PCCA: variants seen among roughly 807,000 people sequenced by gnomAD.
PCCA encodes the protein propionyl-CoA carboxylase subunit alpha, also known as propionyl-CoA carboxylase alpha chain, mitochondrial.
A neutral mutation model predicts 101.3 loss-of-function variants in PCCA; 74 were observed. The observed-to-expected ratio is 0.73, with a 90% CI of 0.61 to 0.89. The LOEUF (loss-of-function observed/expected upper bound fraction) is 0.89, where lower values mean the gene tolerates loss of function less well. Among genes scored for constraint, PCCA ranks in the 40% least tolerant of loss-of-function variants. PCCA has a pLI of 0.00. For synonymous variants in PCCA, 294 were observed against 313.6 expected (o/e 0.94, Z 0.66); for missense variants, 891 against 907.0 (o/e 0.98, Z 0.23).
intron 18 of PCCA, among the ~76,000 whole-genome samples, chr13:100,351,451 A>T (rs1285166960): frequency 6.6e-6 from 1 of 152,112 alleles, no homozygotes; most frequent in Non-Finnish European, 1.5e-5. Flanking sequence ...GTTCGTATAT[A>T]TGAAGATTTG....
chr13:100,358,275 A>C (rs1291471022), intron 18 of PCCA, among the ~76,000 whole-genome samples: 3 of 152,208 alleles, frequency 2.0e-5, no homozygotes, highest in Admixed American at 6.5e-5. Context: ...TTTCAGAGGG[A>C]GATAACATGA....
At chr13:100,293,513 C>G (rs2065291891) in intron 12 of PCCA, among the ~76,000 whole-genome samples, 1 of 152,006 alleles carries the variant, frequency 6.6e-6, no homozygotes, top group African/African-American at 2.4e-5. Context: ...TCTAGACCTG[C>G]CAGATGAAAA....
At chr13:100,139,436 G>C (rs1217464661) in intron 4 of PCCA, among the ~76,000 whole-genome samples, 1 of 150,288 alleles carries the variant, frequency 6.7e-6, no homozygotes, top group Non-Finnish European at 1.5e-5. Context: ...TTTCTCTCTT[G>C]TTTCAGATTG....
intron 19 of PCCA, among the ~76,000 whole-genome samples, chr13:100,376,678 T>C (rs977983185): frequency 5.3e-5 from 8 of 152,180 alleles, no homozygotes; most frequent in South Asian, 2.1e-4. Context: ...CCCTGCCAGG[T>C]TGACTTCAGA....
At chr13:100,359,978 G>A (rs1238619868) in intron 18 of PCCA, among the ~76,000 whole-genome samples, 3 of 152,132 alleles carry the variant, frequency 2.0e-5, no homozygotes, top group East Asian at 3.9e-4. Context: ...GAAATGCAAA[G>A]GGACTTGTAT....
At chr13:100,236,007 C>A (rs2060781267) in intron 8 of PCCA, 129 bp downstream of exon 8, 2 of 686,596 alleles carry the variant, frequency 2.9e-6, no homozygotes, top group Admixed American at 4.2e-5. Flanking sequence ...TTACTTGTTG[C>A]TCTGGAAGAA....
chr13:100,378,000 G>C (rs1286071784), intron 19 of PCCA, among the ~76,000 whole-genome samples: 1 of 151,992 alleles, frequency 6.6e-6, no homozygotes, highest in Non-Finnish European at 1.5e-5. Flanking sequence ...CCTCATTTGT[G>C]TGTTTGCCTT....
Position 100,380,868 on chromosome 13 carries a change from C to T in PCCA, c.1746+12294C>T, listed in dbSNP as rs374716085. Among the ~76,000 whole-genome samples the T allele has an allele frequency of 2.0e-5, 3 of 152,242 alleles. No individual in the cohort carries two copies. The East Asian group carries it at 5.8e-4, about 29-fold the overall frequency. On this transcript the variant is annotated intron_variant, in intron 19 of 23. Transcript: ENST00000376285. Reference sequence around the variant, plus strand: ...CAGTAAAGCACTTGTGTTTAAAATACATAAAGAACACTTACAACTTAACAA... The same window carrying T: ...CAGTAAAGCACTTGTGTTTAAAATATATAAAGAACACTTACAACTTAACAA...
chr13:100,192,746 T>C (rs1052434709), intron 6 of PCCA, among the ~76,000 whole-genome samples: 1 of 152,188 alleles, frequency 6.6e-6, no homozygotes, highest in Admixed American at 6.5e-5. Flanking sequence ...TTTTCCTAAA[T>C]ATTTAAATGT....
At chr13:100,182,957 A>T (rs377507007) in intron 6 of PCCA, among the ~76,000 whole-genome samples, 32 of 152,090 alleles carry the variant, frequency 2.1e-4, no homozygotes, top group African/African-American at 7.7e-4. Context: ...AATCAGACTA[A>T]CTCTGCCACC....
At chr13:100,181,062 G>A (rs1351918971) in intron 6 of PCCA, among the ~76,000 whole-genome samples, 2 of 152,180 alleles carry the variant, frequency 1.3e-5, no homozygotes, top group Admixed American at 6.5e-5. Context: ...CCTTGTGAAT[G>A]AGAGAGCTTA....
chr13:100,296,281 C>G (rs2065515192), intron 12 of PCCA, among the ~76,000 whole-genome samples: 1 of 151,878 alleles, frequency 6.6e-6, no homozygotes. Context: ...ACTCCCATTT[C>G]CCAGACTGGA....
chr13:100,221,746 A>ATTT (rs3034654), intron 7 of PCCA, among the ~76,000 whole-genome samples: 4,540 of 121,476 alleles, frequency 0.037, 246 homozygotes, highest in African/African-American at 0.096. Flanking sequence ...TCCCTGGGAA[A>ATTT]TTTTTTTTTT....
chr13:100,314,732 T>G (rs1366841106), intron 16 of PCCA, among the ~76,000 whole-genome samples: 1 of 152,224 alleles, frequency 6.6e-6, no homozygotes, highest in Non-Finnish European at 1.5e-5. Flanking sequence ...GCTTCTTCTC[T>G]TCAAACATGT....
chr13:100,421,503 T>C (rs1162829363), intron 19 of PCCA, among the ~76,000 whole-genome samples: 2 of 152,180 alleles, frequency 1.3e-5, no homozygotes, highest in Admixed American at 1.3e-4. Flanking sequence ...GTTTTTACAT[T>C]CTACAGAATA....
intron 7 of PCCA, among the ~76,000 whole-genome samples, chr13:100,212,442 A>G (rs2059273128): frequency 6.6e-6 from 1 of 152,162 alleles, no homozygotes; most frequent in Non-Finnish European, 1.5e-5. Flanking sequence ...CCCTGCTCTA[A>G]AATTCTTATC....
intron 21 of PCCA, among the ~76,000 whole-genome samples, chr13:100,487,205 C>T (rs2084450793): frequency 6.6e-6 from 1 of 152,136 alleles, no homozygotes; most frequent in Non-Finnish European, 1.5e-5. Flanking sequence ...TCATTGTTAC[C>T]TGTATAATAG....
In PCCA at chr13:100,425,865, A is replaced by G. The variant is rs566877960; in HGVS notation, c.1845+134A>G. 562 of 680,642 alleles carry G rather than the reference A, an allele frequency of 8.3e-4. 4 individuals carry two copies. Among genetic ancestry groups the G allele is most frequent in the Middle Eastern group, 2.7e-3 (8 of 2,990 alleles). The allele number at this position is 680,642 out of a possible 1,614,324, so 42.2% of individuals were successfully genotyped here. ...CACCTTATACTTTTTACAGTCGAAA[A>G]CTTTTTCTTTTCTTATTTTAGAGGA... On this transcript the variant is annotated intron_variant, in intron 20 of 23. Coordinates refer to ENST00000376285, the MANE Select transcript of PCCA (RefSeq NM_000282.4).
chr13:100,370,744 C>T (rs1286485790), intron 19 of PCCA, among the ~76,000 whole-genome samples: 5 of 152,038 alleles, frequency 3.3e-5, no homozygotes, highest in African/African-American at 7.3e-5. Flanking sequence ...AACAGCGTGG[C>T]GAAGTAAAGG....
Sources: allele counts gnomAD v4.1 joint callset (sites outside exome capture counted in the v4.1 genomes callset), GRCh38; gene constraint gnomAD v4.1.1; transcripts MANE v1.5; gene names NCBI Gene and HGNC (gene_info 2026-07-23, HGNC 2026-07-21).